REV3L: variants seen among roughly 807,000 people sequenced by gnomAD.
REV3L encodes DNA polymerase zeta catalytic subunit.
Under a neutral mutation model 299.4 loss-of-function variants are expected in REV3L, and 69 were observed. The ratio of observed to expected loss-of-function variants is 0.23; its 90% CI spans 0.19 to 0.28. REV3L has a LOEUF of 0.28. Ranked by LOEUF, REV3L falls within the 10% of genes least tolerant of loss-of-function variation. REV3L has a pLI of 1.00. For synonymous variants in REV3L, 1,238 were observed against 1,271.4 expected, an observed-to-expected ratio of 0.97 and a Z score of 0.56; for missense variants, 3,128 against 3,693.8, an observed-to-expected ratio of 0.85 and a Z score of 3.97.
intron 1 of REV3L, among the ~76,000 whole-genome samples, chr6:111,450,478 C>CAAAAAAAAA (rs869119350): frequency 1.7e-4 from 9 of 54,100 alleles, no homozygotes; most frequent in Admixed American, 3.0e-4. Context: ...GACCCTGTCT[C>CAAAAAAAAA]AAAAAAAAAA....
chr6:111,333,132 T>C lies in REV3L; in HGVS notation c.7916A>G (p.Asn2639Ser). The change falls in exon 23 of 32, where the codon AAC becomes AGC. Residue 2639 changes from asparagine (N) to serine (S), a missense_variant. Physicochemically the swap from Asn to Ser is conservative, Grantham distance 46. Around this residue, in one of 9 missense-constraint regions of REV3L, gnomAD observed 149 missense variants for 286.4 expected, o/e 0.52. Coordinates refer to ENST00000368802, the MANE Select transcript of REV3L (RefSeq NM_001372078.1). ...GTGAAAAAAACCTTACTTTCCCAAGTTCTCCACATGGCCAAGGCAGGTGGA... is the reference window on the plus strand; with the variant it reads ...GTGAAAAAAACCTTACTTTCCCAAGCTCTCCACATGGCCAAGGCAGGTGGA... ...CFSTCLGHVENLGKYDEFKFG... is the reference protein window; with the variant it reads ...CFSTCLGHVESLGKYDEFKFG... 6.2e-7 allele frequency: 1 copy of C among 1,613,510 alleles called. No homozygotes were observed. Among genetic ancestry groups the C allele is most frequent in the Non-Finnish European group, 8.5e-7 (1 of 1,179,650 alleles).
intron 1 of REV3L, chr6:111,472,048 C>T: frequency 8.4e-7 from 1 of 1,195,638 alleles, no homozygotes; most frequent in Non-Finnish European, 1.1e-6. Flanking sequence ...GAGAAATCTT[C>T]CTCAGATATA....
At position 111,318,156 on chromosome 6, in the gene REV3L, C is replaced by T. The variant is rs1355904595; in HGVS notation, c.8352-2775G>A. ...AGGCTGGGGTGCAGTGGCGCGATCT[C>T]GGCTCACTGCAAGCTCCAACTCCTG... On this transcript the variant is annotated intron_variant, in intron 26 of 31. Transcript: ENST00000368802. Among the ~76,000 whole-genome samples, 5 of 151,610 alleles carry T rather than the reference C, an allele frequency of 3.3e-5. No individual in the cohort carries two copies. In the East Asian group the frequency reaches 7.8e-4, roughly 24 times the overall value.
chr6:111,302,673 G>A (rs1771711123), intron 31 of REV3L, among the ~76,000 whole-genome samples: 1 of 152,198 alleles, frequency 6.6e-6, no homozygotes, highest in Non-Finnish European at 1.5e-5. Flanking sequence ...GGGAGGCAGA[G>A]GCAGGTGGAT....
intron 1 of REV3L, among the ~76,000 whole-genome samples, chr6:111,469,469 G>C (rs1394739044): frequency 1.3e-5 from 2 of 152,230 alleles, no homozygotes; most frequent in Non-Finnish European, 2.9e-5. Context: ...GCCAGCAACA[G>C]TTGGATAATA....
Position 111,405,736 on chromosome 6 carries a change from A to T in REV3L, c.405-106T>A, listed in dbSNP as rs1030108840. On this transcript the variant is annotated intron_variant, in intron 3 of 31. Transcript: ENST00000368802. ...GAACAAAGCACTTATTAGCACACAAAATTTCCATCTCAATTTTACCGGAAA... is the reference window on the plus strand; with the variant it reads ...GAACAAAGCACTTATTAGCACACAATATTTCCATCTCAATTTTACCGGAAA... The T allele has an allele frequency of 4.5e-6, 3 of 666,668 alleles. No individual in the cohort carries two copies. The African/African-American group carries it at 5.8e-5, about 13-fold the overall frequency. The allele number at this position is 666,668 out of a possible 1,614,324, so 41.3% of individuals were successfully genotyped here.
At chr6:111,477,232 A>G (rs1793051066) in intron 1 of REV3L, among the ~76,000 whole-genome samples, 1 of 152,226 alleles carries the variant, frequency 6.6e-6, no homozygotes. Context: ...TCTATTTATT[A>G]ATCCTTGCCA....
intron 1 of REV3L, among the ~76,000 whole-genome samples, chr6:111,446,699 T>A (rs938018667): frequency 4.7e-5 from 6 of 127,904 alleles, no homozygotes; most frequent in African/African-American, 1.8e-4. Flanking sequence ...AGACTCTGTC[T>A]CAAAACAAAC....
At chr6:111,450,817 C>G (rs1218728889) in intron 1 of REV3L, among the ~76,000 whole-genome samples, 5 of 152,192 alleles carry the variant, frequency 3.3e-5, no homozygotes, top group Non-Finnish European at 7.3e-5. Context: ...GCTGGGTTAT[C>G]ATATCCGCTT....
intron 5 of REV3L, among the ~76,000 whole-genome samples, chr6:111,391,436 G>A (rs1312576437): frequency 6.6e-6 from 1 of 152,026 alleles, no homozygotes; most frequent in African/African-American, 2.4e-5. Flanking sequence ...CTATTTTAAA[G>A]GAAATTTTGA....
At chr6:111,346,810 A>T (rs758576008) in intron 20 of REV3L, among the ~76,000 whole-genome samples, 14 of 152,194 alleles carry the variant, frequency 9.2e-5, no homozygotes, top group Non-Finnish European at 1.3e-4. Context: ...CTTTGCAAAA[A>T]TATTTGTTCT....
At chr6:111,311,378 G>T in intron 28 of REV3L, 119 bp from the exon 29 acceptor site, 1 of 590,712 alleles carries the variant, frequency 1.7e-6, no homozygotes, top group Non-Finnish European at 2.8e-6. Flanking sequence ...TAAATAATCT[G>T]TTACTTACAA....
At chr6:111,370,655 G>A (rs1382294563) in intron 13 of REV3L, among the ~76,000 whole-genome samples, 1 of 152,032 alleles carries the variant, frequency 6.6e-6, no homozygotes, top group African/African-American at 2.4e-5. Flanking sequence ...TGAATCTGCT[G>A]GGTAAAAGCC....
At chr6:111,425,317 G>C (rs962925865) in intron 1 of REV3L, among the ~76,000 whole-genome samples, 2 of 152,146 alleles carry the variant, frequency 1.3e-5, no homozygotes, top group African/African-American at 4.8e-5. Flanking sequence ...AAATTAGCCG[G>C]GTGTGGTGGC....
At chr6:111,482,339 G>C (rs1793828739) in intron 1 of REV3L, among the ~76,000 whole-genome samples, 1 of 152,208 alleles carries the variant, frequency 6.6e-6, no homozygotes, top group Non-Finnish European at 1.5e-5. Context: ...GGGGACACAA[G>C]GGATGTCCCA....
chr6:111,328,371 G>A (rs747120322), intron 25 of REV3L, among the ~76,000 whole-genome samples: 2 of 152,058 alleles, frequency 1.3e-5, no homozygotes, highest in Non-Finnish European at 2.9e-5. Flanking sequence ...TCCTGAGTTG[G>A]GATCACAAGT....
intron 26 of REV3L, among the ~76,000 whole-genome samples, chr6:111,317,815 T>C (rs1464413388): frequency 6.6e-6 from 1 of 152,128 alleles, no homozygotes; most frequent in African/African-American, 2.4e-5. Flanking sequence ...TAAATAAAAA[T>C]TTTATATAAA....
chr6:111,412,140 T>C, intron 2 of REV3L: 2 of 985,412 alleles, frequency 2.0e-6, no homozygotes, highest in Non-Finnish European at 2.4e-6. Context: ...AGCATGTATT[T>C]CAGTAGCTGA....
At position 111,313,395 on chromosome 6, in the gene REV3L, C is replaced by T; in HGVS notation, c.8561G>A (p.Gly2854Glu). 6.2e-7 allele frequency: 1 copy of T among 1,613,350 alleles called. No homozygotes were observed. Among genetic ancestry groups the T allele is most frequent in the South Asian group, 1.1e-5 (1 of 90,982 alleles). Residue 2854 changes from glycine (G) to glutamate (E), a missense_variant, in exon 28 of 32, where the codon GGA (glycine) becomes GAA (glutamate). Around this residue, in one of 9 missense-constraint regions of REV3L, gnomAD observed 294 missense variants for 377.0 expected, o/e 0.78. Transcript: ENST00000368802. ...DQKDPVFDAK[G>E]IETVRRDSCP... The stretch of plus-strand genomic sequence containing the variant: ...GGAATCTCTTCTGACTGTTTCTATT[C>T]CTTTTGCATCAAATACTGGGTCCTT...
Sources: gnomAD v4.1 joint callset for allele counts (sites outside exome capture counted in the v4.1 genomes callset) on GRCh38, gnomAD v4.1.1 for gene constraint, gnomAD v4.1.1 regional missense constraint, MANE v1.5 for transcripts, NCBI Gene and HGNC (gene_info 2026-07-23, HGNC 2026-07-21) for gene names.